Variants in DLG3 observed in about 807,000 individuals in gnomAD.
The protein encoded by DLG3 is disks large homolog 3.
Under a neutral mutation model 64.1 loss-of-function variants are expected in DLG3, and 1 was observed. The observed-to-expected ratio is 0.02, with a 90% CI of 0.01 to 0.07. The LOEUF (loss-of-function observed/expected upper bound fraction) is 0.07. DLG3 is among the 10% of genes least tolerant of loss of function. DLG3 has a pLI of 1.00. For synonymous variants in DLG3, 245 were observed against 259.8 expected (o/e 0.94, Z 0.55); for missense variants, 429 against 669.5 (o/e 0.64, Z 3.96).
At chrX:70,484,721 A>T (rs1226593829) in intron 10 of DLG3, among the ~76,000 whole-genome samples, 2 of 111,765 alleles carry the variant, frequency 1.8e-5, no homozygotes, top group Admixed American at 1.9e-4. Flanking sequence ...GTGAGCCCCA[A>T]ACAGTCGCTC....
intron 9 of DLG3, among the ~76,000 whole-genome samples, chrX:70,466,247 TTGTGTGTGTGTGTGTGTGTGTG>T (rs61083333): frequency 1.2e-4 from 10 of 84,418 alleles, no homozygotes; most frequent in East Asian, 7.8e-4. Context: ...TCTTGGTCAT[TTGTGTGTGTGTGTGTGTGTGTG>T]TGTGTGTGTG....
intron 10 of DLG3, among the ~76,000 whole-genome samples, chrX:70,479,934 C>G (rs1192639875): frequency 2.7e-5 from 3 of 111,792 alleles, no homozygotes; most frequent in South Asian, 3.8e-4. Flanking sequence ...TGAGGCATAG[C>G]TTAATACTTT....
intron 9 of DLG3, among the ~76,000 whole-genome samples, chrX:70,464,136 G>A (rs114333467): frequency 9.0e-6 from 1 of 111,291 alleles, no homozygotes; most frequent in African/African-American, 3.3e-5. Context: ...AAAGTGCTAA[G>A]GTTACAGGTA....
chrX:70,479,029 G>T (rs760496915), intron 9 of DLG3, 121 bp from the exon 10 acceptor site: 4 of 588,789 alleles, frequency 6.8e-6, no homozygotes, highest in Non-Finnish European at 1.2e-5. Context: ...AAGACTGAGT[G>T]GGCTGGCTCT....
rs185728376 is a variant in DLG3, at chrX:70,463,809, A to C, written c.1405+9493A>C. ...AAAATGGTCACTAGTGTGTACCTCA[A>C]ATTCTGTGTCAGATAAGTGGTAGTG... On this transcript the variant is annotated intron_variant, in intron 9 of 18. Transcript: ENST00000374360. 3.1e-4 allele frequency among the ~76,000 whole-genome samples: 35 copies of C among 111,619 alleles called. No individual in the cohort carries two copies. The East Asian group carries it at 6.2e-3, about 20-fold the overall frequency.
chrX:70,452,316 G>T, intron 7 of DLG3: 1 of 1,028,758 alleles, frequency 9.7e-7, no homozygotes. Context: ...GGGCTGAGGA[G>T]GCGAGGGCAG....
At position 70,495,415 on chromosome X, in the gene DLG3, C is replaced by G. The variant is rs144335681; in HGVS notation, c.1781C>G (p.Pro594Arg). Residue 594 changes from proline to arginine, a missense_variant, in exon 13 of 19, where the codon CCG (proline) becomes CGG (arginine). Physicochemically the swap from Pro to Arg is moderately radical, Grantham distance 103. Coordinates refer to ENST00000374360, the MANE Select transcript of DLG3 (RefSeq NM_021120.4). ...TGMIESNRDF[P>R]GLSDDYYGAK... ...TGCTGTCTGTGAAATCAGGACTTCCCGGGGTTAAGTGACGATTATTATGGA... is the reference window on the plus strand; with the variant it reads ...TGCTGTCTGTGAAATCAGGACTTCCGGGGGTTAAGTGACGATTATTATGGA... The G allele has an allele frequency of 8.3e-7, 1 of 1,210,577 alleles. No individual in the cohort carries two copies. The highest frequency in any genetic ancestry group is 3.0e-5 in the East Asian group (1 of 33,817).
At chrX:70,465,789 G>A (rs1225655638) in intron 9 of DLG3, among the ~76,000 whole-genome samples, 3 of 111,155 alleles carry the variant, frequency 2.7e-5, no homozygotes, top group Non-Finnish European at 5.7e-5. Flanking sequence ...CATTTTCCTC[G>A]ATCACCATAT....
At chrX:70,490,514 A>G (rs888051835) in intron 10 of DLG3, among the ~76,000 whole-genome samples, 4 of 112,203 alleles carry the variant, frequency 3.6e-5, no homozygotes, top group African/African-American at 9.7e-5. Context: ...AGGGGAAAAA[A>G]GGGCTTTTTG....
intron 10 of DLG3, among the ~76,000 whole-genome samples, chrX:70,487,894 G>A (rs1001591647): frequency 5.4e-5 from 6 of 110,707 alleles, no homozygotes; most frequent in Non-Finnish European, 7.6e-5. Flanking sequence ...CAGGTGATCC[G>A]CCCGCCTCAG....
At chrX:70,463,137 T>TTTTTA (rs951670207) in intron 9 of DLG3, among the ~76,000 whole-genome samples, 2 of 111,850 alleles carry the variant, frequency 1.8e-5, no homozygotes, top group African/African-American at 3.2e-5. Context: ...GAGTTATTTC[T>TTTTTA]TTTTATTTTA....
At chrX:70,502,060 G>A (rs371852230) in intron 18 of DLG3, 103 bp from the exon 19 acceptor site, 10 of 619,652 alleles carry the variant, frequency 1.6e-5, no homozygotes, top group East Asian at 1.5e-4. Flanking sequence ...GGGGTGAGGG[G>A]GTGGAGGGGG....
rs1415226554 is a variant in DLG3, at chrX:70,505,115, A to G, written c.*2846A>G. ...GGCAGCCTAACAAAAGGGAGTCCCC[A>G]AAGAGCTCCATGAGAGCTTAAGAAA... On this transcript the variant is annotated 3_prime_UTR_variant, in exon 19 of 19. Transcript: ENST00000374360. 8.9e-6 allele frequency: 1 copy of G among 112,572 alleles called. No individual in the cohort carries two copies. Among genetic ancestry groups the G allele is most frequent in the Non-Finnish European group, 1.9e-5 (1 of 53,273 alleles). 9.3% of individuals were successfully genotyped at this position (112,572 alleles called of 1,213,427 possible). A position where few individuals can be genotyped will look rare whatever the true frequency, so the allele number is the denominator to read the frequency against.
chrX:70,492,624 C>A (rs780935823), intron 12 of DLG3, 28 bp downstream of exon 12: 5 of 1,169,639 alleles, frequency 4.3e-6, no homozygotes, highest in Non-Finnish European at 5.8e-6. Flanking sequence ...AGGAAATCAG[C>A]CAGTAGGTAA....
intron 7 of DLG3, chrX:70,453,215 T>C (rs1238793496): frequency 5.9e-6 from 1 of 168,629 alleles, no homozygotes; most frequent in African/African-American, 3.1e-5. Context: ...GGATGATGAG[T>C]GCAGTCAACC....
intron 9 of DLG3, among the ~76,000 whole-genome samples, chrX:70,477,388 G>T (rs1201386968): frequency 8.9e-6 from 1 of 112,112 alleles, no homozygotes; most frequent in Non-Finnish European, 1.9e-5. Flanking sequence ...TCAGAGGAGG[G>T]CCAGAAAGGA....
intron 9 of DLG3, among the ~76,000 whole-genome samples, chrX:70,475,901 C>T (rs1262462799): frequency 8.9e-6 from 1 of 112,186 alleles, no homozygotes; most frequent in Non-Finnish European, 1.9e-5. Flanking sequence ...CTTATCCACT[C>T]TCTGGCCCCA....
intron 10 of DLG3, among the ~76,000 whole-genome samples, chrX:70,483,619 AAC>A (rs1316274978): frequency 8.9e-6 from 1 of 112,638 alleles, no homozygotes; most frequent in Non-Finnish European, 1.9e-5. Flanking sequence ...TGAAGTAAAT[AAC>A]ACTCTCTTAG....
intron 18 of DLG3, 29 bp downstream of exon 18, chrX:70,501,018 T>C (rs1274505611): frequency 1.9e-6 from 2 of 1,056,428 alleles, no homozygotes; most frequent in African/African-American, 3.8e-5. Flanking sequence ...TGCGGGGGGT[T>C]CTGGGGAACT....
Sources: gnomAD v4.1 joint callset for allele counts (sites outside exome capture counted in the v4.1 genomes callset) on GRCh38, gnomAD v4.1.1 for gene constraint, MANE v1.5 for transcripts, NCBI Gene and HGNC (gene_info 2026-07-23, HGNC 2026-07-21) for gene names.